The following SLC23A2 variants were observed in gnomAD, a reference collection of about 807,000 sequenced individuals.
The protein encoded by SLC23A2 is Na(+)/L-ascorbic acid transporter 2.
SLC23A2 carries 36 observed loss-of-function variants against 73.3 expected under a neutral mutation model. The ratio of observed to expected loss-of-function variants is 0.49; its 90% confidence interval spans 0.38 to 0.65. The LOEUF is 0.65. SLC23A2 is among the 30% of genes least tolerant of loss of function. The pLI is 0.00. For missense variants in SLC23A2, 507 were observed against 841.6 expected, an observed-to-expected ratio of 0.60 and a Z score of 4.92; for synonymous variants, 343 against 327.3, an observed-to-expected ratio of 1.05 and a Z score of -0.52.
chr20:5,007,529 TC>T (rs1369594891), intron 1 of SLC23A2, among the ~76,000 whole-genome samples: 2 of 152,154 alleles, frequency 1.3e-5, no homozygotes, highest in South Asian at 2.1e-4. Flanking sequence ...AGACTCAGTG[TC>T]AAAAACAAAC....
chr20:4,939,059 T>C (rs1185055230), intron 2 of SLC23A2, among the ~76,000 whole-genome samples: 1 of 152,060 alleles, frequency 6.6e-6, no homozygotes, highest in South Asian at 2.1e-4. Flanking sequence ...CTGGGCAAGA[T>C]AGCAAGACCC....
chr20:5,000,026 G>A (rs1198618142), intron 1 of SLC23A2, among the ~76,000 whole-genome samples: 2 of 152,154 alleles, frequency 1.3e-5, no homozygotes, highest in Non-Finnish European at 2.9e-5. Flanking sequence ...GGTGTGCCAT[G>A]AGAGCTTACA....
At chr20:4,973,611 A>G (rs2087598577) in intron 1 of SLC23A2, among the ~76,000 whole-genome samples, 1 of 152,212 alleles carries the variant, frequency 6.6e-6, no homozygotes, top group Non-Finnish European at 1.5e-5. Flanking sequence ...CAAAAACAAG[A>G]CTGAGCTATC....
chr20:4,936,259 C>T (rs1452074112), intron 2 of SLC23A2, among the ~76,000 whole-genome samples: 1 of 152,172 alleles, frequency 6.6e-6, no homozygotes. Flanking sequence ...TGGACCTCTG[C>T]CTTGAGACCA....
At chr20:4,888,023 G>A (rs962567553) in intron 6 of SLC23A2, among the ~76,000 whole-genome samples, 2 of 152,138 alleles carry the variant, frequency 1.3e-5, no homozygotes, top group African/African-American at 4.8e-5. Flanking sequence ...TCTTCTCTCT[G>A]CACCCAAGGC....
chr20:4,991,744 ACACACACACAC>A (rs2087928039), intron 1 of SLC23A2, among the ~76,000 whole-genome samples: 1 of 151,512 alleles, frequency 6.6e-6, no homozygotes, highest in Non-Finnish European at 1.5e-5. Flanking sequence ...ACACACACAC[ACACACACACAC>A]ACACACACAA....
At chr20:4,911,258 G>A (rs1932136980) in intron 4 of SLC23A2, among the ~76,000 whole-genome samples, 2 of 152,116 alleles carry the variant, frequency 1.3e-5, no homozygotes, top group South Asian at 4.1e-4. Flanking sequence ...CGCACTTCTG[G>A]AATTTCAGTA....
chr20:4,902,639 C>G lies in SLC23A2; in HGVS notation c.208-81G>C. On this transcript the variant is annotated intron_variant, in intron 4 of 16. Coordinates refer to ENST00000338244, the MANE Select transcript of SLC23A2 (RefSeq NM_005116.6). The surrounding 1 kb of genome is among the most constrained non-coding windows in gnomAD (Gnocchi z 4.0). ...CTCGGCCATGTACAGGCCACTATTA[C>G]AGAAAAACAACTTTATCAAGTGGTT... The G allele has an allele frequency of 3.0e-6, 2 of 662,146 alleles. No homozygotes were observed. The allele number at this position is 662,146 out of a possible 1,614,324, so 41.0% of individuals were successfully genotyped here.
chr20:4,922,700 T>C (rs1932535902), intron 3 of SLC23A2, among the ~76,000 whole-genome samples: 1 of 152,066 alleles, frequency 6.6e-6, no homozygotes, highest in African/African-American at 2.4e-5. Flanking sequence ...TGGTCGTGCA[T>C]GCCTGTAGTC....
chr20:4,988,369 AG>A (rs34066480), intron 1 of SLC23A2, among the ~76,000 whole-genome samples: 128,472 of 151,956 alleles, frequency 0.85, 54,823 homozygotes, highest in East Asian at 0.98. Context: ...TGGGAAACCG[AG>A]GGGGGGCCAA....
intron 11 of SLC23A2, among the ~76,000 whole-genome samples, chr20:4,871,097 C>G (rs1189166457): frequency 1.3e-5 from 2 of 152,168 alleles, no homozygotes; most frequent in Admixed American, 6.5e-5. Flanking sequence ...AATGAATAGA[C>G]TCCTTTGATA....
At position 4,899,635 on chromosome 20, in the gene SLC23A2, C is replaced by T. The variant is rs1568615087; in HGVS notation, c.402G>A (p.Gln134=). 3.1e-6 allele frequency: 5 copies of T among 1,614,152 alleles called. No homozygotes were observed. The highest frequency in any genetic ancestry group is 3.4e-6 in the Non-Finnish European group (4 of 1,180,012). ...TCCCAATGAGCTGGCTGGTGGCCCA[C>T]TGGTCGTACCCCACACACATGGCAT... ...LADAMCVGYD[Q]WATSQLIGTI... Residue 134 remains glutamine, a synonymous_variant, in exon 6 of 17, where the codon CAG becomes CAA. Coordinates refer to ENST00000338244, the MANE Select transcript of SLC23A2 (RefSeq NM_005116.6). The surrounding 1 kb of genome is among the most constrained non-coding windows in gnomAD (Gnocchi z 4.9).
Position 4,857,412 on chromosome 20 carries a change from C to T in SLC23A2, c.1721-208G>A. On this transcript the variant is annotated intron_variant, in intron 16 of 16. Coordinates refer to ENST00000338244, the MANE Select transcript of SLC23A2 (RefSeq NM_005116.6). This position sits in a 1 kb window ranked among gnomAD's most constrained non-coding sequence, Gnocchi z 4.0. Reference sequence around the variant, plus strand: ...GGTGAAGGTGCTCAGCTATCCAGTGCCCAAACCAGAAGTCTAAGAAGCACT... The same window carrying T: ...GGTGAAGGTGCTCAGCTATCCAGTGTCCAAACCAGAAGTCTAAGAAGCACT... Among the ~76,000 whole-genome samples, 1 of 151,882 alleles carries T rather than the reference C, an allele frequency of 6.6e-6. No individual in the cohort carries two copies. Among genetic ancestry groups the T allele is most frequent in the East Asian group, 1.9e-4 (1 of 5,176 alleles).
At chr20:4,976,675 CA>C (rs960776036) in intron 1 of SLC23A2, among the ~76,000 whole-genome samples, 8 of 136,434 alleles carry the variant, frequency 5.9e-5, no homozygotes, top group Admixed American at 7.5e-5. Context: ...GACTTCATCT[CA>C]AAAAAAAAAG....
Position 4,862,082 on chromosome 20 carries a change from A to G in SLC23A2, c.1490T>C (p.Met497Thr). 6.2e-7 allele frequency: 1 copy of G among 1,614,104 alleles called. No homozygotes were observed. ...GTTAGAGAGGCCAACAGCTGTGATC[A>G]TTCCTGGAGAAAAACAAACCAGACC... ...LGALFCTLFG[M>T]ITAVGLSNLQ... Residue 497 changes from methionine (M) to threonine (T), a missense_variant, in exon 15 of 17, where the codon ATG (methionine) becomes ACG (threonine). Transcript: ENST00000338244. This position sits in a 1 kb window ranked among gnomAD's most constrained non-coding sequence, Gnocchi z 5.1.
rs1256429955 is a variant in SLC23A2 at position 4,970,790 on chromosome 20, C to A, written c.-155+3G>T. The A allele has an allele frequency of 6.6e-6, 1 of 152,166 alleles. No homozygotes were observed. Among genetic ancestry groups the A allele is most frequent in the African/African-American group, 2.4e-5 (1 of 41,424 alleles). The allele number at this position is 152,166 out of a possible 1,614,324, so 9.4% of individuals were successfully genotyped here. A position where few individuals can be genotyped will look rare whatever the true frequency, so the allele number is the denominator to read the frequency against. ...ACAACTGGAGATTGTGTTTTACACGCACCTAAGTGATGTGGCGTAGACCTG... is the reference window on the plus strand; with the variant it reads ...ACAACTGGAGATTGTGTTTTACACGAACCTAAGTGATGTGGCGTAGACCTG... On this transcript the variant is annotated splice_donor_region_variant and intron_variant, in intron 2 of 16. Coordinates refer to ENST00000338244, the MANE Select transcript of SLC23A2 (RefSeq NM_005116.6).
At position 4,852,605 on chromosome 20, in the gene SLC23A2, C is replaced by A. The variant is rs1350811301; in HGVS notation, c.*4367G>T. 1 of 152,376 alleles carries A rather than the reference C, an allele frequency of 6.6e-6. No individual in the cohort carries two copies. Among genetic ancestry groups the A allele is most frequent in the African/African-American group, 2.4e-5 (1 of 41,364 alleles). The allele number at this position is 152,376 out of a possible 1,614,324, so 9.4% of individuals were successfully genotyped here. A position where few individuals can be genotyped will look rare whatever the true frequency, so the allele number is the denominator to read the frequency against. ...CGGTAATCAAAATAAAAATAAAAAA[C>A]AAACAAAACCCCAGAAAGGTATATA... On this transcript the variant is annotated 3_prime_UTR_variant, in exon 17 of 17. Coordinates refer to ENST00000338244, the MANE Select transcript of SLC23A2 (RefSeq NM_005116.6). The surrounding 1 kb of genome is among the most constrained non-coding windows in gnomAD (Gnocchi z 4.3).
intron 4 of SLC23A2, among the ~76,000 whole-genome samples, chr20:4,907,761 G>T (rs1201619288): frequency 3.3e-5 from 5 of 151,948 alleles, no homozygotes; most frequent in Admixed American, 2.0e-4. Context: ...AAAAATTTAA[G>T]AAATAAAGGA....
rs2122867009 is a variant in SLC23A2 at position 4,899,409 on chromosome 20, G to A, written c.482+146C>T. The A allele has an allele frequency of 1.2e-6, 1 of 837,828 alleles. No homozygotes were observed. The highest frequency in any genetic ancestry group is 2.0e-6 in the Non-Finnish European group (1 of 510,470). The allele number at this position is 837,828 out of a possible 1,614,324, so 51.9% of individuals were successfully genotyped here. On this transcript the variant is annotated intron_variant, in intron 6 of 16. Transcript: ENST00000338244. This position sits in a 1 kb window ranked among gnomAD's most constrained non-coding sequence, Gnocchi z 4.9. ...AGGAAATGACTGGGAGGAACACTGA[G>A]GGGTGGGGACCAACGGCCACTAGGA...
Sources: allele counts gnomAD v4.1 joint callset (sites outside exome capture counted in the v4.1 genomes callset), GRCh38; gene constraint gnomAD v4.1.1; non-coding constraint Gnocchi (gnomAD v3.1); transcripts MANE v1.5; gene names NCBI Gene and HGNC (gene_info 2026-07-23, HGNC 2026-07-21).